The following AKAP9 variants were observed in gnomAD, a reference collection of about 807,000 sequenced individuals.
The protein encoded by AKAP9 is A-kinase anchoring protein 9, also known as A-kinase anchor protein 9.
A neutral mutation model predicts 488.5 loss-of-function variants in AKAP9; 311 were observed. The observed-to-expected ratio is 0.64, with a 90% CI of 0.58 to 0.70. AKAP9 has a LOEUF of 0.70. Ranked by LOEUF, AKAP9 falls within the 30% of genes least tolerant of loss-of-function variation. AKAP9 has a pLI of 0.00. For synonymous variants in AKAP9, 1,462 were observed against 1,483.5 expected, an observed-to-expected ratio of 0.99 and a Z score of 0.33; for missense variants, 4,215 against 4,374.5, an observed-to-expected ratio of 0.96 and a Z score of 1.03.
At chr7:91,992,402 G>A (rs1370514059) in intron 4 of AKAP9, among the ~76,000 whole-genome samples, 191 bp downstream of exon 4, 1 of 152,042 alleles carries the variant, frequency 6.6e-6, no homozygotes, top group Non-Finnish European at 1.5e-5. Context: ...GGTGGCTTAC[G>A]TCTGTAATCC....
Position 92,096,888 on chromosome 7 carries a change from G to A in AKAP9, c.9929G>A (p.Arg3310Gln), listed in dbSNP as rs78351282. The change falls in exon 41 of 50, where the codon CGG (arginine) becomes CAG (glutamine). Residue 3310 changes from arginine to glutamine, a missense_variant. Physicochemically the swap from Arg to Gln is conservative, Grantham distance 43. This residue lies in a region of AKAP9 where 1,476 missense variants were observed against 1,477.4 expected (regional missense o/e 1.00). Coordinates refer to ENST00000356239, the MANE Select transcript of AKAP9 (RefSeq NM_005751.5). ...CTTGAATCTGAGAAAGTTCGAATTC[G>A]GGAAATGAGTAGTACCCTAGATAGG... ...VLLESEKVRIREMSSTLDRER... is the reference protein window; with the variant it reads ...VLLESEKVRIQEMSSTLDRER... The A allele has an allele frequency of 1.2e-3, 1,908 of 1,614,124 alleles. 22 individuals carry two copies. The African/African-American group carries it at 0.022, about 19-fold the overall frequency.
chr7:91,997,991 C>G (rs1434952369), intron 7 of AKAP9, among the ~76,000 whole-genome samples: 1 of 152,144 alleles, frequency 6.6e-6, no homozygotes, highest in African/African-American at 2.4e-5. Flanking sequence ...GGTCCCCAAC[C>G]TTTTTGGCAC....
intron 26 of AKAP9, among the ~76,000 whole-genome samples, chr7:92,068,365 CAAAAAAAAAA>C (rs77237109): frequency 6.4e-5 from 3 of 46,530 alleles, no homozygotes; most frequent in African/African-American, 2.2e-4. Flanking sequence ...GACTCCGTCT[CAAAAAAAAAA>C]AAAAAAAAAA....
intron 1 of AKAP9, among the ~76,000 whole-genome samples, chr7:91,949,944 G>C (rs1227384733): frequency 6.6e-6 from 1 of 152,042 alleles, no homozygotes; most frequent in African/African-American, 2.4e-5. Context: ...CTCTGTAAAA[G>C]TCTAAGAGTT....
In AKAP9 at chr7:92,105,733, A is replaced by G. The variant is rs1584593472; in HGVS notation, c.11386A>G (p.Ile3796Val). The G allele has an allele frequency of 1.2e-6, 2 of 1,614,150 alleles. No individual in the cohort carries two copies. The highest frequency in any genetic ancestry group is 1.7e-6 in the Non-Finnish European group (2 of 1,179,964). The change falls in exon 47 of 50, where the codon ATT (isoleucine) becomes GTT (valine). Residue 3796 changes from isoleucine (I) to valine (V), a missense_variant. Ile to Val is a conservative substitution (Grantham distance 29). Coordinates refer to ENST00000356239, the MANE Select transcript of AKAP9 (RefSeq NM_005751.5). ...HRVTGSVSININRDGFGLNQG... is the reference protein window; with the variant it reads ...HRVTGSVSINVNRDGFGLNQG... ...AGTCACAGGTTCTGTTTCCATCAAT[A>G]TTAACAGAGATGGCTTTGGACTGAA...
At position 91,941,152 on chromosome 7, in the gene AKAP9, G is replaced by A. The variant is rs377559019; in HGVS notation, c.48+5G>A. On this transcript the variant is annotated splice_donor_5th_base_variant and intron_variant, in intron 1 of 49. Transcript: ENST00000356239. ...CTGGAGGCCGGCAAAGCCAAGGTAGGAGAGCCCGAGGCAACCGGGCCTGCG... is the reference window on the plus strand; with the variant it reads ...CTGGAGGCCGGCAAAGCCAAGGTAGAAGAGCCCGAGGCAACCGGGCCTGCG... 17 of 1,613,912 alleles carry A rather than the reference G, an allele frequency of 1.1e-5. No individual in the cohort carries two copies. Among genetic ancestry groups the A allele is most frequent in the East Asian group, 2.2e-5 (1 of 44,872 alleles).
In AKAP9 at chr7:92,038,403, G is replaced by A; in HGVS notation, c.4339-16G>A. The A allele has an allele frequency of 1.3e-6, 2 of 1,573,500 alleles. No homozygotes were observed. The highest frequency in any genetic ancestry group is 8.7e-7 in the Non-Finnish European group (1 of 1,143,960). On this transcript the variant is annotated splice_polypyrimidine_tract_variant and intron_variant, in intron 16 of 49. Coordinates refer to ENST00000356239, the MANE Select transcript of AKAP9 (RefSeq NM_005751.5). ...TTCTAAATCTAATCCTTTATTGTTT[G>A]CTTTTATTTCTTTAGGTTATTGTGT... is the stretch of plus-strand genomic sequence containing the variant.
intron 36 of AKAP9, among the ~76,000 whole-genome samples, 153 bp from the exon 37 acceptor site, chr7:92,086,075 G>C (rs1814507431): frequency 6.6e-6 from 1 of 152,180 alleles, no homozygotes; most frequent in African/African-American, 2.4e-5. Flanking sequence ...GAGCAACAGA[G>C]TGAGACTGTC....
intron 46 of AKAP9, among the ~76,000 whole-genome samples, chr7:92,104,732 G>A (rs1818246584): frequency 1.3e-5 from 2 of 152,118 alleles, no homozygotes. Context: ...ATTCCATATT[G>A]TAGTCTCCTG....
chr7:92,107,522 A>C (rs1036767580), intron 48 of AKAP9, 100 bp downstream of exon 48: 1 of 1,180,244 alleles, frequency 8.5e-7, no homozygotes, highest in African/African-American at 1.5e-5. Flanking sequence ...GCATTGAGAT[A>C]GACATCTTTG....
intron 1 of AKAP9, among the ~76,000 whole-genome samples, chr7:91,971,712 C>A (rs986177995): frequency 6.6e-6 from 1 of 151,516 alleles, no homozygotes. Flanking sequence ...GGATTACAGG[C>A]GCCTGCCACC....
chr7:92,036,054 G>GT (rs1805149278), intron 16 of AKAP9, among the ~76,000 whole-genome samples: 1 of 150,498 alleles, frequency 6.6e-6, no homozygotes, highest in Non-Finnish European at 1.5e-5. Context: ...AGTAAACTAT[G>GT]TTTTTTAGTT....
chr7:92,004,672 C>T (rs1370633292), intron 8 of AKAP9, among the ~76,000 whole-genome samples: 1 of 152,108 alleles, frequency 6.6e-6, no homozygotes, highest in Admixed American at 6.5e-5. Flanking sequence ...GATTTTGTAT[C>T]CTGAGACTTT....
At chr7:92,060,153 G>C (rs558923433) in intron 22 of AKAP9, among the ~76,000 whole-genome samples, 44 of 152,068 alleles carry the variant, frequency 2.9e-4, no homozygotes, top group African/African-American at 9.9e-4. Context: ...AAAAGTGGAA[G>C]TCTTTAACAA....
chr7:92,056,035 A>C (rs1162287982), intron 22 of AKAP9, among the ~76,000 whole-genome samples: 1 of 151,316 alleles, frequency 6.6e-6, no homozygotes, highest in Non-Finnish European at 1.5e-5. Flanking sequence ...CAATAATTTC[A>C]GTTATTTTAA....
intron 7 of AKAP9, among the ~76,000 whole-genome samples, chr7:91,997,011 A>AG (rs1798484632): frequency 6.6e-6 from 1 of 152,178 alleles, no homozygotes; most frequent in South Asian, 2.1e-4. Flanking sequence ...AGGTATACAC[A>AG]GGTAGTAAGT....
At chr7:92,070,355 C>T (rs544726432) in intron 27 of AKAP9, 149 bp downstream of exon 27, 2 of 893,666 alleles carry the variant, frequency 2.2e-6, no homozygotes, top group East Asian at 5.2e-5. Flanking sequence ...CCAAATGTTG[C>T]TTGCATGTCT....
At chr7:92,101,791 C>G (rs960989875) in intron 45 of AKAP9, among the ~76,000 whole-genome samples, 8 of 152,094 alleles carry the variant, frequency 5.3e-5, no homozygotes, top group African/African-American at 1.9e-4. Flanking sequence ...AAATTCAAAA[C>G]AAAAAGAAAA....
At chr7:92,006,672 A>G (rs1799915251) in intron 8 of AKAP9, among the ~76,000 whole-genome samples, 1 of 152,194 alleles carries the variant, frequency 6.6e-6, no homozygotes, top group South Asian at 2.1e-4. Flanking sequence ...ATATGCTTGA[A>G]ATAATGTGGA....
Sources: gnomAD v4.1 joint callset for allele counts (sites outside exome capture counted in the v4.1 genomes callset) on GRCh38, gnomAD v4.1.1 for gene constraint, gnomAD v4.1.1 regional missense constraint, MANE v1.5 for transcripts, NCBI Gene and HGNC (gene_info 2026-07-23, HGNC 2026-07-21) for gene names.